The following ROBO1 variants were observed in gnomAD, a reference collection of about 807,000 sequenced individuals.
ROBO1 encodes roundabout homolog 1.
ROBO1 carries 149 observed loss-of-function variants against 195.9 expected under a neutral mutation model. The ratio of observed to expected loss-of-function variants is 0.76; its 90% confidence interval spans 0.67 to 0.87. ROBO1 has a LOEUF of 0.87. ROBO1 is among the 40% of genes least tolerant of loss of function. The pLI, the probability that ROBO1 is intolerant of heterozygous loss-of-function variation, is 0.00. For synonymous variants in ROBO1, 816 were observed against 733.2 expected (o/e 1.11, Z -1.82); for missense variants, 1,933 against 2,068.3 (o/e 0.93, Z 1.27).
chr3:79,428,769 C>T (rs1181650202), intron 2 of ROBO1, among the ~76,000 whole-genome samples: 1 of 151,722 alleles, frequency 6.6e-6, no homozygotes, highest in Non-Finnish European at 1.5e-5. Context: ...TACCAACATA[C>T]AGTGGAATAT....
chr3:78,788,997 C>T (rs969127530), intron 4 of ROBO1, among the ~76,000 whole-genome samples: 6 of 152,112 alleles, frequency 3.9e-5, no homozygotes, highest in African/African-American at 1.2e-4. Context: ...TGAATTGACT[C>T]ATTTCACTAA....
chr3:78,761,350 C>G (rs779789724), intron 4 of ROBO1, among the ~76,000 whole-genome samples: 1 of 152,050 alleles, frequency 6.6e-6, no homozygotes, highest in Non-Finnish European at 1.5e-5. Context: ...CCACTTGGAA[C>G]AGCAACGCTT....
intron 4 of ROBO1, among the ~76,000 whole-genome samples, chr3:78,814,901 C>G (rs912912883): frequency 1.7e-4 from 26 of 152,082 alleles, no homozygotes; most frequent in African/African-American, 5.6e-4. Context: ...CTTCATGTCT[C>G]TGTGCCACAT....
At chr3:78,916,366 A>G (rs1486562573) in intron 4 of ROBO1, among the ~76,000 whole-genome samples, 1 of 151,958 alleles carries the variant, frequency 6.6e-6, no homozygotes, top group African/African-American at 2.4e-5. Context: ...AGCCTGGCCA[A>G]CGTGGTGAAA....
Position 78,685,735 on chromosome 3 carries a change from T to A in ROBO1, c.1342+11A>T, listed in dbSNP as rs770957454. 1 of 1,579,692 alleles carries A rather than the reference T, an allele frequency of 6.3e-7. No individual in the cohort carries two copies. Among genetic ancestry groups the A allele is most frequent in the Non-Finnish European group, 8.6e-7 (1 of 1,156,302 alleles). ...CTTGGACATTTTGAAATAAAATGTT[T>A]TACACTTTACCATCTGTAACTTCCA... On this transcript the variant is annotated intron_variant, in intron 10 of 30. Transcript: ENST00000464233.
chr3:78,702,136 G>A (rs746792269), intron 8 of ROBO1, among the ~76,000 whole-genome samples: 2 of 152,136 alleles, frequency 1.3e-5, no homozygotes, highest in Non-Finnish European at 2.9e-5. Flanking sequence ...TAATTATCAA[G>A]TGTAACTACT....
At chr3:78,663,475 AC>A (rs1423461981) in intron 14 of ROBO1, among the ~76,000 whole-genome samples, 1 of 152,050 alleles carries the variant, frequency 6.6e-6, no homozygotes, top group Non-Finnish European at 1.5e-5. Context: ...TCTCTTCCTT[AC>A]CCACTGGTCT....
chr3:79,615,437 G>A (rs145069266), intron 1 of ROBO1, among the ~76,000 whole-genome samples: 166 of 152,146 alleles, frequency 1.1e-3, no homozygotes, highest in Middle Eastern at 3.4e-3. Flanking sequence ...CCAATCTATA[G>A]CCCAACCACC....
intron 1 of ROBO1, among the ~76,000 whole-genome samples, chr3:79,608,921 C>T (rs1444958091): frequency 1.3e-5 from 2 of 151,826 alleles, no homozygotes; most frequent in Non-Finnish European, 2.9e-5. Flanking sequence ...GAGGGCACTT[C>T]CCTTGTGAAT....
At chr3:79,534,727 C>T (rs1203532229) in intron 2 of ROBO1, among the ~76,000 whole-genome samples, 1 of 152,098 alleles carries the variant, frequency 6.6e-6, no homozygotes, top group Non-Finnish European at 1.5e-5. Flanking sequence ...ATCAAACTGC[C>T]AATCCATCTA....
At chr3:79,649,350 G>A (rs1197873822) in intron 1 of ROBO1, among the ~76,000 whole-genome samples, 2 of 151,846 alleles carry the variant, frequency 1.3e-5, no homozygotes, top group East Asian at 1.9e-4. Context: ...ATATACATTT[G>A]TTTATATATT....
At chr3:78,750,545 A>G (rs1321206468) in intron 4 of ROBO1, among the ~76,000 whole-genome samples, 1 of 151,814 alleles carries the variant, frequency 6.6e-6, no homozygotes, top group Non-Finnish European at 1.5e-5. Context: ...ATAACAAAGC[A>G]TATAATCACT....
rs181479193 is a variant in ROBO1, at chr3:79,683,684, T to C, written c.-51+84068A>G. ...ATGTGCCTATTCTGGGCATTTCATA[T>C]AAATGGAATTATACAATATCTGGCT... On this transcript the variant is annotated intron_variant, in intron 1 of 30. Coordinates refer to ENST00000464233, the MANE Select transcript of ROBO1 (RefSeq NM_002941.4). 5.4e-3 allele frequency among the ~76,000 whole-genome samples: 828 copies of C among 152,244 alleles called. 3 individuals carry two copies. Among genetic ancestry groups the C allele is most frequent in the Non-Finnish European group, 9.7e-3 (660 of 67,996 alleles).
At chr3:78,795,006 TA>T (rs1232290779) in intron 4 of ROBO1, among the ~76,000 whole-genome samples, 5 of 152,298 alleles carry the variant, frequency 3.3e-5, no homozygotes, top group Admixed American at 2.0e-4. Context: ...TAATTACATT[TA>T]ACAGAAAATA....
chr3:79,216,570 G>A (rs2082058661), intron 2 of ROBO1, among the ~76,000 whole-genome samples: 1 of 151,992 alleles, frequency 6.6e-6, no homozygotes, highest in Admixed American at 6.6e-5. Context: ...TTCCCTTCCT[G>A]TGGAGTACCT....
At chr3:79,292,839 T>A (rs531587562) in intron 2 of ROBO1, among the ~76,000 whole-genome samples, 16 of 152,178 alleles carry the variant, frequency 1.1e-4, no homozygotes, top group Non-Finnish European at 1.9e-4. Flanking sequence ...GAAATTTCCT[T>A]TTTTTGTTGT....
intron 3 of ROBO1, among the ~76,000 whole-genome samples, chr3:79,044,088 C>T (rs1216596571): frequency 1.4e-5 from 2 of 140,974 alleles, no homozygotes; most frequent in African/African-American, 2.6e-5. Flanking sequence ...TCTTGGGTCA[C>T]ACAAAAAATA....
At chr3:79,016,738 G>A (rs375810042) in intron 3 of ROBO1, among the ~76,000 whole-genome samples, 11 of 152,226 alleles carry the variant, frequency 7.2e-5, no homozygotes, top group Admixed American at 2.6e-4. Flanking sequence ...CCTATCTTCA[G>A]TAATCTGCCC....
chr3:78,812,300 C>A (rs1229900781), intron 4 of ROBO1, among the ~76,000 whole-genome samples: 1 of 152,108 alleles, frequency 6.6e-6, no homozygotes, highest in Non-Finnish European at 1.5e-5. Flanking sequence ...GTTCACCCCA[C>A]TGCCTCTCTC....
Sources: gnomAD v4.1 joint callset for allele counts (sites outside exome capture counted in the v4.1 genomes callset) on GRCh38, gnomAD v4.1.1 for gene constraint, MANE v1.5 for transcripts, NCBI Gene and HGNC (gene_info 2026-07-23, HGNC 2026-07-21) for gene names.